Variants in MTG2 observed in about 807,000 individuals in gnomAD.
MTG2 encodes the protein mitochondrial ribosome associated GTPase 2.
Under a neutral mutation model 28.6 loss-of-function variants are expected in MTG2, and 23 were observed. The ratio of observed to expected loss-of-function variants is 0.80; its 90% CI spans 0.58 to 1.14. The LOEUF is 1.14. Ranked by LOEUF, MTG2 falls within the 50% of genes most tolerant of loss-of-function variation. MTG2 has a pLI of 0.00. For missense variants in MTG2, 539 were observed against 552.0 expected (o/e 0.98, Z 0.24); for synonymous variants, 260 against 251.8 (o/e 1.03, Z -0.31).
At chr20:62,198,918 G>T in intron 5 of MTG2, 66 bp downstream of exon 5, 1 of 1,598,404 alleles carries the variant, frequency 6.3e-7, no homozygotes, top group South Asian at 1.1e-5. Flanking sequence ...TTTTCTCAAT[G>T]GGGATTTGCC....
chr20:62,200,915 A>G lies in MTG2; in HGVS notation c.1059A>G (p.Gln353=). The change falls in exon 7 of 7, where the codon CAA becomes CAG. Residue 353 remains glutamine (Q), a synonymous_variant. Coordinates refer to ENST00000370823, the MANE Select transcript of MTG2 (RefSeq NM_015666.4). ...VANKIDLPEA[Q]ANLSQLRDHL... Reference sequence around the variant, plus strand: ...ACAAGATTGACCTCCCTGAAGCCCAAGCCAATCTGTCCCAGCTCCGGGATC... The same window carrying G: ...ACAAGATTGACCTCCCTGAAGCCCAGGCCAATCTGTCCCAGCTCCGGGATC... 1.2e-6 allele frequency: 2 copies of G among 1,614,064 alleles called. No homozygotes were observed. The highest frequency in any genetic ancestry group is 1.7e-6 in the Non-Finnish European group (2 of 1,180,034).
At chr20:62,190,919 G>A (rs756621709) in intron 1 of MTG2, among the ~76,000 whole-genome samples, 1 of 152,200 alleles carries the variant, frequency 6.6e-6, no homozygotes, top group East Asian at 1.9e-4. Context: ...GGCCCGGCAC[G>A]GGAACTCAGC....
At chr20:62,192,760 A>G (rs2057984927) in intron 1 of MTG2, among the ~76,000 whole-genome samples, 1 of 152,122 alleles carries the variant, frequency 6.6e-6, no homozygotes, top group Non-Finnish European at 1.5e-5. Context: ...TCACTCAGGA[A>G]ATTACCAGCG....
chr20:62,193,130 C>A (rs191723179), intron 1 of MTG2, among the ~76,000 whole-genome samples: 2 of 152,164 alleles, frequency 1.3e-5, no homozygotes, highest in Admixed American at 6.5e-5. Context: ...TTGAGCGGAA[C>A]CTTGCTATTC....
intron 4 of MTG2, chr20:62,198,246 T>G: frequency 1.9e-6 from 1 of 515,280 alleles, no homozygotes; most frequent in Non-Finnish European, 3.5e-6. Flanking sequence ...GCACGGACGC[T>G]TCCTCCGTCT....
intron 1 of MTG2, among the ~76,000 whole-genome samples, chr20:62,191,757 G>A (rs145194779): frequency 0.011 from 1,655 of 152,274 alleles, 29 homozygotes; most frequent in Admixed American, 0.035. Flanking sequence ...CCTCCTGTGC[G>A]ACCTGCTGAA....
At chr20:62,184,415 G>C (rs1481678031) in intron 1 of MTG2, among the ~76,000 whole-genome samples, 2 of 152,186 alleles carry the variant, frequency 1.3e-5, no homozygotes, top group African/African-American at 4.8e-5. Flanking sequence ...ATTTGAGGAG[G>C]GTTTATAAAG....
intron 1 of MTG2, among the ~76,000 whole-genome samples, chr20:62,191,074 G>A (rs139910040): frequency 7.2e-5 from 11 of 152,280 alleles, no homozygotes; most frequent in Non-Finnish European, 1.6e-4. Context: ...CTTATAGGCG[G>A]AGAATGGAGT....
chr20:62,195,392 A>C (rs2058040490), intron 2 of MTG2, among the ~76,000 whole-genome samples: 1 of 152,240 alleles, frequency 6.6e-6, no homozygotes, highest in Non-Finnish European at 1.5e-5. Flanking sequence ...AGAACTTTCT[A>C]AGAGTAAAGA....
Position 62,198,241 on chromosome 20 carries a change from G to A in MTG2, c.468+274G>A, listed in dbSNP as rs2058095756. 3 of 523,774 alleles carry A rather than the reference G, an allele frequency of 5.7e-6. No homozygotes were observed. The South Asian group carries it at 6.8e-5, about 12-fold the overall frequency. 32.4% of individuals were successfully genotyped at this position (523,774 alleles called of 1,614,324 possible). A position where few individuals can be genotyped will look rare whatever the true frequency, so the allele number is the denominator to read the frequency against. ...TTAAAAAGAGGGAGCCCACGGCACG[G>A]ACGCTTCCTCCGTCTCTGACCCCAT... On this transcript the variant is annotated intron_variant, in intron 4 of 6. Transcript: ENST00000370823.
intron 1 of MTG2, among the ~76,000 whole-genome samples, chr20:62,186,531 T>TTG (rs1485637715): frequency 7.7e-5 from 5 of 64,586 alleles, no homozygotes; most frequent in South Asian, 9.0e-4. Flanking sequence ...TTTTTTTGTT[T>TTG]TTTTTTTTTT....
chr20:62,193,609 C>T lies in MTG2; in HGVS notation c.189C>T (p.Leu63=). 6.2e-7 allele frequency: 1 copy of T among 1,611,790 alleles called. No homozygotes were observed. The highest frequency in any genetic ancestry group is 8.5e-7 in the Non-Finnish European group (1 of 1,179,590). Reference sequence around the variant, plus strand: ...AGGAACTCCCGGGGAAGAAGCTGCTCTCTGAGAAAAAGCTGGTGAGACTCC... The same window carrying T: ...AGGAACTCCCGGGGAAGAAGCTGCTTTCTGAGAAAAAGCTGGTGAGACTCC... The part of the protein sequence containing the change: ...KHQELPGKKL[L]SEKKLKRYFV... The change falls in exon 2 of 7, where the codon CTC becomes CTT. Residue 63 remains leucine, a synonymous_variant. Transcript: ENST00000370823.
In MTG2 at chr20:62,200,690, C is replaced by T; in HGVS notation, c.834C>T (p.Asp278=). The T allele has an allele frequency of 3.1e-6, 5 of 1,605,882 alleles. No homozygotes were observed. The highest frequency in any genetic ancestry group is 1.1e-5 in the South Asian group (1 of 90,662). ...YEGHLQIAVA[D]IPGIIRGAHQ... is the part of the protein sequence containing the mutation. ...CCCCTGTCTTCCCTGCAGTGGCCGA[C>T]ATCCCCGGCATCATACGAGGCGCCC... The change falls in exon 7 of 7, where the codon GAC becomes GAT. Residue 278 remains aspartate (D), a synonymous_variant. Transcript: ENST00000370823.
In MTG2 at chr20:62,201,016, T is replaced by A; in HGVS notation, c.1160T>A (p.Val387Glu). The change falls in exon 7 of 7, where the codon GTG becomes GAG. Residue 387 changes from valine to glutamate, a missense_variant. By Grantham distance (121) the Val-to-Glu change is moderately radical (BLOSUM62 -2). Transcript: ENST00000370823. ...NLEQLLLHLKVLYDAYAEAEL... is the reference protein window; with the variant it reads ...NLEQLLLHLKELYDAYAEAEL... ...GAGCAGCTGCTGTTGCACCTGAAGG[T>A]GCTGTATGACGCCTACGCGGAGGCC... 2 of 1,612,856 alleles carry A rather than the reference T, an allele frequency of 1.2e-6. No individual in the cohort carries two copies. The highest frequency in any genetic ancestry group is 1.7e-6 in the Non-Finnish European group (2 of 1,179,938).
At chr20:62,191,541 G>A (rs1275476732) in intron 1 of MTG2, among the ~76,000 whole-genome samples, 3 of 152,194 alleles carry the variant, frequency 2.0e-5, no homozygotes, top group Admixed American at 2.0e-4. Flanking sequence ...ACCCCACAGA[G>A]ATAGTGACCC....
At chr20:62,183,356 T>G (rs1468056959) in intron 1 of MTG2, among the ~76,000 whole-genome samples, 1 of 152,186 alleles carries the variant, frequency 6.6e-6, no homozygotes, top group African/African-American at 2.4e-5. Flanking sequence ...GCCACCCCGG[T>G]GGTGCTCTGT....
intron 2 of MTG2, chr20:62,193,952 T>C (rs1382318113): frequency 1.8e-5 from 4 of 224,508 alleles, no homozygotes; most frequent in Non-Finnish European, 2.7e-5. Context: ...TTAAAACAAA[T>C]GCGGAGGCTG....
At chr20:62,198,933 G>T (rs1461510643) in intron 5 of MTG2, 81 bp downstream of exon 5, 3 of 1,580,056 alleles carry the variant, frequency 1.9e-6, no homozygotes, top group East Asian at 2.2e-5. Flanking sequence ...TTTGCCAGTG[G>T]CCTGGAAGAG....
rs765961266 is a variant in MTG2 at position 62,198,857 on chromosome 20, G to T, written c.687+5G>T. 1.9e-6 allele frequency: 3 copies of T among 1,613,960 alleles called. No individual in the cohort carries two copies. Among genetic ancestry groups the T allele is most frequent in the Non-Finnish European group, 1.7e-6 (2 of 1,180,014 alleles). On this transcript the variant is annotated splice_donor_5th_base_variant and intron_variant, in intron 5 of 6. Coordinates refer to ENST00000370823, the MANE Select transcript of MTG2 (RefSeq NM_015666.4). Reference sequence around the variant, plus strand: ...ACGGTGGCCCACGCCGGAATGGTAGGTGTCCCCACTGCCAACAGCATCTGC... The same window carrying T: ...ACGGTGGCCCACGCCGGAATGGTAGTTGTCCCCACTGCCAACAGCATCTGC...
Sources: allele counts gnomAD v4.1 joint callset (sites outside exome capture counted in the v4.1 genomes callset), GRCh38; gene constraint gnomAD v4.1.1; transcripts MANE v1.5; gene names NCBI Gene and HGNC (gene_info 2026-07-23, HGNC 2026-07-21).